The following RBM46 variants were observed in gnomAD, a reference collection of about 807,000 sequenced individuals.
RBM46 encodes probable RNA-binding protein 46.
Under a neutral mutation model 43.3 loss-of-function variants are expected in RBM46, and 12 were observed. The ratio of observed to expected loss-of-function variants is 0.28; its 90% confidence interval spans 0.18 to 0.45. The LOEUF (loss-of-function observed/expected upper bound fraction) is 0.45. Ranked by LOEUF, RBM46 falls within the 20% of genes least tolerant of loss-of-function variation. The pLI, the probability that RBM46 is intolerant of heterozygous loss-of-function variation, is 1.00. For missense variants in RBM46, 412 were observed against 639.1 expected, an observed-to-expected ratio of 0.64 and a Z score of 3.83; for synonymous variants, 205 against 207.6, an observed-to-expected ratio of 0.99 and a Z score of 0.11.
chr4:154,790,604 G>A (rs1217406778), intron 1 of RBM46: 4 of 152,136 alleles, frequency 2.6e-5, no homozygotes, highest in African/African-American at 7.2e-5. Flanking sequence ...GTATTGATGG[G>A]TAGATATTCT....
chr4:154,828,224 A>G lies in RBM46; in HGVS notation c.*157A>G, dbSNP rs1348484817. 1.8e-5 allele frequency: 11 copies of G among 616,700 alleles called. No homozygotes were observed. Among genetic ancestry groups the G allele is most frequent in the East Asian group, 1.4e-4 (5 of 36,278 alleles). The allele number at this position is 616,700 out of a possible 1,614,324, so 38.2% of individuals were successfully genotyped here. On this transcript the variant is annotated 3_prime_UTR_variant, in exon 5 of 5. Transcript: ENST00000281722. ...AACATCAGCTATAATTCAGAATAAC[A>G]TGGAGTTGTAGAATTTATAAAAATG...
chr4:154,797,069 C>G (rs1386650842), intron 2 of RBM46, among the ~76,000 whole-genome samples, 166 bp downstream of exon 2: 1 of 151,026 alleles, frequency 6.6e-6, no homozygotes, highest in African/African-American at 2.4e-5. Context: ...TTATTCATGT[C>G]TTACCATTAC....
At chr4:154,791,353 T>C (rs1012579320) in intron 1 of RBM46, among the ~76,000 whole-genome samples, 4 of 152,160 alleles carry the variant, frequency 2.6e-5, no homozygotes. Context: ...AGGAAGTGTC[T>C]GGTTAAAATA....
chr4:154,799,664 G>C, intron 4 of RBM46, 100 bp downstream of exon 4: 1 of 721,946 alleles, frequency 1.4e-6, no homozygotes, highest in Non-Finnish European at 2.0e-6. Context: ...TTAGTGGTAA[G>C]TATGTAACAT....
At chr4:154,784,691 C>T (rs914063206) in intron 1 of RBM46, among the ~76,000 whole-genome samples, 4 of 152,192 alleles carry the variant, frequency 2.6e-5, no homozygotes, top group African/African-American at 4.8e-5. Context: ...CCATTTTTGA[C>T]ATTCTACTCA....
At chr4:154,818,448 A>G (rs1302218379) in intron 4 of RBM46, among the ~76,000 whole-genome samples, 1 of 152,112 alleles carries the variant, frequency 6.6e-6, no homozygotes, top group Non-Finnish European at 1.5e-5. Context: ...TCTGTTGTTG[A>G]TCAGCTTGTT....
chr4:154,826,974 T>C, intron 4 of RBM46: 4 of 1,292,246 alleles, frequency 3.1e-6, no homozygotes, highest in Non-Finnish European at 3.9e-6. Context: ...ACCATAATGT[T>C]TCTAAATAAT....
At chr4:154,804,009 T>C (rs1560902637) in intron 4 of RBM46, among the ~76,000 whole-genome samples, 1 of 152,156 alleles carries the variant, frequency 6.6e-6, no homozygotes. Context: ...TGTAGCACCT[T>C]CTTGCTTTCG....
At position 154,799,057 on chromosome 4, in the gene RBM46, G is replaced by A. The variant is rs372153334; in HGVS notation, c.895G>A (p.Ala299Thr). Residue 299 changes from alanine (A) to threonine (T), a missense_variant, in exon 4 of 5, where the codon GCA becomes ACA. Ala to Thr is a moderately conservative substitution (Grantham distance 58). Transcript: ENST00000281722. Reference sequence around the variant, plus strand: ...TATGAATGGAAAATGCATTGATGGAGCAAGTATTGAGGTAACACTAGCTAA... The same window carrying A: ...TATGAATGGAAAATGCATTGATGGAACAAGTATTGAGGTAACACTAGCTAA... ...SVMNGKCIDG[A>T]SIEVTLAKPV... 18 of 1,613,954 alleles carry A rather than the reference G, an allele frequency of 1.1e-5. No homozygotes were observed. In the African/African-American group the frequency reaches 1.2e-4, roughly 11 times the overall value.
rs1445944951 is a variant in RBM46 at position 154,798,398 on chromosome 4, T to C, written c.619+120T>C. On this transcript the variant is annotated intron_variant, in intron 3 of 4. Coordinates refer to ENST00000281722, the MANE Select transcript of RBM46 (RefSeq NM_144979.5). ...ACTTAAAGAAGAGTAAAGAATTGTT[T>C]GAGTAATGAAGTAAAATAAATTACA... 3 of 660,204 alleles carry C rather than the reference T, an allele frequency of 4.5e-6. No homozygotes were observed. The African/African-American group carries it at 5.5e-5, about 12-fold the overall frequency. The allele number at this position is 660,204 out of a possible 1,614,324, so 40.9% of individuals were successfully genotyped here.
At chr4:154,798,609 G>A (rs567788202) in intron 3 of RBM46, among the ~76,000 whole-genome samples, 173 bp from the exon 4 acceptor site, 4 of 152,220 alleles carry the variant, frequency 2.6e-5, no homozygotes, top group Non-Finnish European at 5.9e-5. Flanking sequence ...TACATAGTAA[G>A]TTTTAGTTAT....
At chr4:154,793,335 A>G (rs905271722) in intron 1 of RBM46, among the ~76,000 whole-genome samples, 1 of 152,178 alleles carries the variant, frequency 6.6e-6, no homozygotes, top group Non-Finnish European at 1.5e-5. Context: ...TCTTATGCTT[A>G]TATCTTTGTA....
intron 4 of RBM46, among the ~76,000 whole-genome samples, chr4:154,806,370 G>T (rs1734907009): frequency 6.6e-6 from 1 of 151,628 alleles, no homozygotes; most frequent in South Asian, 2.1e-4. Context: ...TTTAGTCATT[G>T]GACTTCAATG....
At chr4:154,819,363 T>G (rs1421941109) in intron 4 of RBM46, among the ~76,000 whole-genome samples, 2 of 152,170 alleles carry the variant, frequency 1.3e-5, no homozygotes, top group East Asian at 3.9e-4. Context: ...CTAGCTTCAT[T>G]TGTCTCTTGG....
intron 4 of RBM46, chr4:154,827,037 T>C (rs1735999885): frequency 8.2e-7 from 1 of 1,212,414 alleles, no homozygotes; most frequent in African/African-American, 1.6e-5. Context: ...AAGAACATAG[T>C]TGAGTTTTTG....
chr4:154,799,128 G>A lies in RBM46; in HGVS notation c.966G>A (p.Gln322=). The part of the protein sequence containing the change: ...ENTWRQHLNG[Q]ISPNSENLIV... ...CTTGGAGACAGCATCTTAATGGTCAGATTAGTCCAAATTCTGAAAATCTGA... is the reference window on the plus strand; with the variant it reads ...CTTGGAGACAGCATCTTAATGGTCAAATTAGTCCAAATTCTGAAAATCTGA... The change falls in exon 4 of 5, where the codon CAG becomes CAA. Residue 322 remains glutamine (Q), a synonymous_variant. Transcript: ENST00000281722. The A allele has an allele frequency of 4.3e-6, 7 of 1,614,100 alleles. No individual in the cohort carries two copies. Among genetic ancestry groups the A allele is most frequent in the African/African-American group, 1.3e-5 (1 of 75,032 alleles).
intron 4 of RBM46, among the ~76,000 whole-genome samples, chr4:154,801,347 A>G (rs1006447287): frequency 2.0e-5 from 3 of 152,150 alleles, no homozygotes; most frequent in Admixed American, 1.3e-4. Flanking sequence ...AGTGTCTTCA[A>G]TTATTAGTTT....
chr4:154,818,368 A>G (rs1735558479), intron 4 of RBM46, among the ~76,000 whole-genome samples: 1 of 152,022 alleles, frequency 6.6e-6, no homozygotes, highest in African/African-American at 2.4e-5. Flanking sequence ...GCCAGCAGTT[A>G]TTTTACTTCA....
At chr4:154,790,043 C>T (rs1733999909) in intron 1 of RBM46, among the ~76,000 whole-genome samples, 1 of 151,086 alleles carries the variant, frequency 6.6e-6, no homozygotes, top group Non-Finnish European at 1.5e-5. Context: ...TTTTTTATTG[C>T]ATTTGATTCT....
Sources: allele counts gnomAD v4.1 joint callset (sites outside exome capture counted in the v4.1 genomes callset), GRCh38; gene constraint gnomAD v4.1.1; transcripts MANE v1.5; gene names NCBI Gene and HGNC (gene_info 2026-07-23, HGNC 2026-07-21).